FGF12: variants seen among roughly 807,000 people sequenced by gnomAD.
FGF12 encodes fibroblast growth factor 12.
A neutral mutation model predicts 23.6 loss-of-function variants in FGF12; 14 were observed. The ratio of observed to expected loss-of-function variants is 0.59; its 90% CI spans 0.39 to 0.93. The LOEUF (loss-of-function observed/expected upper bound fraction) is 0.93, where lower values mean the gene tolerates loss of function less well. Among genes scored for constraint, FGF12 ranks in the 40% least tolerant of loss-of-function variants. The pLI is 0.00. For missense variants in FGF12, 175 were observed against 217.8 expected (o/e 0.80, Z 1.24); for synonymous variants, 62 against 77.3 (o/e 0.80, Z 1.04).
At position 192,514,131 on chromosome 3, in the gene FGF12, C is replaced by G. The variant is rs76167004; in HGVS notation, c.14-153593G>C. The stretch of plus-strand genomic sequence containing the variant: ...TTGAAGCCCAAGGCTAACTGGGACC[C>G]TCCTACTTCAGCACCAAGGACAGAA... On this transcript the variant is annotated intron_variant, in intron 2 of 5. Coordinates refer to ENST00000445105, the MANE Select transcript of FGF12 (RefSeq NM_004113.6). The surrounding 1 kb of genome is among the most constrained non-coding windows in gnomAD (Gnocchi z 4.9). Among the ~76,000 whole-genome samples the G allele has an allele frequency of 2.8e-4, 42 of 152,298 alleles. No individual in the cohort carries two copies. Among genetic ancestry groups the G allele is most frequent in the Non-Finnish European group, 5.0e-4 (34 of 68,014 alleles).
At chr3:192,158,496 C>T (rs1043689256) in intron 5 of FGF12, among the ~76,000 whole-genome samples, 4 of 146,404 alleles carry the variant, frequency 2.7e-5, no homozygotes, top group African/African-American at 5.2e-5. Context: ...CTTCCTTCCT[C>T]TCTCTTTCCT....
At chr3:192,337,297 C>A in intron 3 of FGF12, among the ~76,000 whole-genome samples, 1 of 151,984 alleles carries the variant, frequency 6.6e-6, no homozygotes, top group East Asian at 1.9e-4. Context: ...GAAAATGGAA[C>A]CTGAGTTGAC....
At position 192,316,344 on chromosome 3, in the gene FGF12, T is replaced by C. The variant is rs141150495; in HGVS notation, c.228+19017A>G. On this transcript the variant is annotated intron_variant, in intron 4 of 5. Transcript: ENST00000445105. The stretch of plus-strand genomic sequence containing the variant: ...GTATCTAGTTTTAACTTCATATCAC[T>C]GAAAGAGGCACTGAAGAGGGTAGGA... 1.4e-3 allele frequency among the ~76,000 whole-genome samples: 213 copies of C among 152,248 alleles called. 2 individuals carry two copies. Among genetic ancestry groups the C allele is most frequent in the African/African-American group, 4.9e-3 (202 of 41,542 alleles).
chr3:192,194,708 A>T (rs1716972872), intron 4 of FGF12, among the ~76,000 whole-genome samples: 1 of 152,174 alleles, frequency 6.6e-6, no homozygotes, highest in South Asian at 2.1e-4. Context: ...CAGTTTAAAA[A>T]CCAATACTAT....
chr3:192,638,017 G>T (rs1715647660), intron 2 of FGF12, among the ~76,000 whole-genome samples: 1 of 152,182 alleles, frequency 6.6e-6, no homozygotes, highest in South Asian at 2.1e-4. Flanking sequence ...ATAACATGCT[G>T]GCTGGCTTTC....
In FGF12 at chr3:192,139,782, A is replaced by C. The variant is rs570266769; in HGVS notation, c.*4227T>G. On this transcript the variant is annotated 3_prime_UTR_variant, in exon 6 of 6. Transcript: ENST00000445105. The stretch of plus-strand genomic sequence containing the variant: ...TTCTGAACATTATTAATTTTCACTT[A>C]ACTTAGATTTAAGTATTGAATTTTT... 6.6e-6 allele frequency: 1 copy of C among 152,040 alleles called. No individual in the cohort carries two copies. Among genetic ancestry groups the C allele is most frequent in the African/African-American group, 2.4e-5 (1 of 41,410 alleles). The allele number at this position is 152,040 out of a possible 1,614,324, so 9.4% of individuals were successfully genotyped here.
At chr3:192,167,611 C>G (rs1445216082) in intron 5 of FGF12, among the ~76,000 whole-genome samples, 1 of 150,056 alleles carries the variant, frequency 6.7e-6, no homozygotes, top group African/African-American at 2.5e-5. Context: ...GTGAAGACAA[C>G]CTTAATTCTA....
intron 2 of FGF12, among the ~76,000 whole-genome samples, chr3:192,545,306 G>A (rs558837328): frequency 1.3e-5 from 2 of 152,178 alleles, no homozygotes; most frequent in East Asian, 1.9e-4. Context: ...ATTTTCCCTG[G>A]CACTGAATTC....
intron 2 of FGF12, among the ~76,000 whole-genome samples, chr3:192,623,015 C>T (rs1054520683): frequency 2.0e-5 from 3 of 152,288 alleles, no homozygotes; most frequent in East Asian, 1.9e-4. Context: ...CTTCCTTTCC[C>T]CTCTGTTTAC....
At chr3:192,474,827 G>A (rs1166500179) in intron 2 of FGF12, among the ~76,000 whole-genome samples, 1 of 150,274 alleles carries the variant, frequency 6.7e-6, no homozygotes, top group Non-Finnish European at 1.5e-5. Context: ...AGAGGTTGCA[G>A]TAAGCTGAGA....
At chr3:192,282,380 CT>C (rs901714304) in intron 4 of FGF12, among the ~76,000 whole-genome samples, 3 of 152,074 alleles carry the variant, frequency 2.0e-5, no homozygotes, top group Admixed American at 6.6e-5. Context: ...AACATGCCCC[CT>C]TATTACTCTA....
rs942547840 is a variant in FGF12, at chr3:192,613,778, A to C, written c.13+113403T>G. On this transcript the variant is annotated intron_variant, in intron 2 of 5. Coordinates refer to ENST00000445105, the MANE Select transcript of FGF12 (RefSeq NM_004113.6). ...CATATTATTGGAAACATCCAAAATGAAATCTTTGATTAGTAAAATTCCAAC... is the reference window on the plus strand; with the variant it reads ...CATATTATTGGAAACATCCAAAATGCAATCTTTGATTAGTAAAATTCCAAC... 2.6e-5 allele frequency among the ~76,000 whole-genome samples: 4 copies of C among 151,988 alleles called. No individual in the cohort carries two copies. In the South Asian group the frequency reaches 8.3e-4, roughly 31 times the overall value.
chr3:192,173,685 A>T (rs1715700518), intron 4 of FGF12, among the ~76,000 whole-genome samples: 1 of 152,140 alleles, frequency 6.6e-6, no homozygotes, highest in Non-Finnish European at 1.5e-5. Context: ...TTAACCCTAG[A>T]TGCTATGCTA....
intron 4 of FGF12, among the ~76,000 whole-genome samples, chr3:192,329,638 C>A (rs1717003766): frequency 6.6e-6 from 1 of 152,056 alleles, no homozygotes; most frequent in African/African-American, 2.4e-5. Context: ...TCTCCTTCAC[C>A]ACTCCCAACC....
chr3:192,598,493 T>A (rs1338639957), intron 2 of FGF12, among the ~76,000 whole-genome samples: 2 of 152,156 alleles, frequency 1.3e-5, no homozygotes, highest in East Asian at 3.8e-4. Flanking sequence ...AAAGCTAAGA[T>A]CCTTGTTTGC....
chr3:192,475,716 A>G (rs1161234153), intron 2 of FGF12, among the ~76,000 whole-genome samples: 1 of 152,198 alleles, frequency 6.6e-6, no homozygotes, highest in African/African-American at 2.4e-5. Flanking sequence ...TGACAAAGAA[A>G]TGAAAGGATT....
rs369293180 is a variant in FGF12 at position 192,415,732 on chromosome 3, T to TCTCATACACACACACA, written c.14-55195_14-55194insTGTGTGTGTGTATGAG. 8.5e-5 allele frequency among the ~76,000 whole-genome samples: 10 copies of TCTCATACACACACACA among 118,050 alleles called. No homozygotes were observed. In the East Asian group the frequency reaches 1.7e-3, roughly 20 times the overall value. 77.4% of individuals were successfully genotyped at this position (118,050 alleles called of 152,430 possible). ...CTGATACTTCTCTTCTCTCTCTCTCTCACACACACACACACACACACACAC... is the reference window on the plus strand; with the variant it reads ...CTGATACTTCTCTTCTCTCTCTCTCTCTCATACACACACACACACACACACACACACACACACACAC... On this transcript the variant is annotated intron_variant, in intron 2 of 5. Coordinates refer to ENST00000445105, the MANE Select transcript of FGF12 (RefSeq NM_004113.6).
chr3:192,359,172 C>A (rs1718610012), intron 3 of FGF12, among the ~76,000 whole-genome samples: 1 of 152,086 alleles, frequency 6.6e-6, no homozygotes, highest in Non-Finnish European at 1.5e-5. Context: ...AGCAAAAAAT[C>A]TGAGAGCAAG....
intron 4 of FGF12, among the ~76,000 whole-genome samples, chr3:192,331,311 CAA>C (rs201997868): frequency 0.19 from 17,700 of 95,478 alleles, 757 homozygotes; most frequent in East Asian, 0.28. Context: ...GGAGTTTTCT[CAA>C]AAAAAAAAAA....
Sources: gnomAD v4.1 joint callset for allele counts (sites outside exome capture counted in the v4.1 genomes callset) on GRCh38, gnomAD v4.1.1 for gene constraint, Gnocchi (gnomAD v3.1) non-coding constraint, MANE v1.5 for transcripts, NCBI Gene and HGNC (gene_info 2026-07-23, HGNC 2026-07-21) for gene names.